Variants in SLC2A13 observed in about 807,000 individuals in gnomAD.
SLC2A13 encodes solute carrier family 2 member 13, also known as proton myo-inositol cotransporter.
A neutral mutation model predicts 64.4 loss-of-function variants in SLC2A13; 32 were observed. The observed-to-expected ratio is 0.50, with a 90% CI of 0.37 to 0.67. The LOEUF is 0.67. Ranked by LOEUF, SLC2A13 falls within the 30% of genes least tolerant of loss-of-function variation. The probability of loss-of-function intolerance (pLI) is 0.00; values close to 1 mark genes in which losing one functional copy is unlikely to be tolerated. For synonymous variants in SLC2A13, 338 were observed against 327.1 expected, an observed-to-expected ratio of 1.03 and a Z score of -0.36; for missense variants, 743 against 829.2, an observed-to-expected ratio of 0.90 and a Z score of 1.28.
At chr12:40,016,192 AC>A (rs909407319) in intron 3 of SLC2A13, among the ~76,000 whole-genome samples, 1 of 150,744 alleles carries the variant, frequency 6.6e-6, no homozygotes, top group South Asian at 2.1e-4. Flanking sequence ...ATACTACACC[AC>A]CCCCCCAAAA....
chr12:40,075,477 C>T (rs780370197), intron 1 of SLC2A13, among the ~76,000 whole-genome samples: 4 of 152,120 alleles, frequency 2.6e-5, no homozygotes, highest in Non-Finnish European at 5.9e-5. Context: ...TTCAATTTGT[C>T]CCATTTTTTA....
intron 3 of SLC2A13, among the ~76,000 whole-genome samples, chr12:39,996,016 T>A (rs573286262): frequency 1.3e-5 from 2 of 152,196 alleles, no homozygotes; most frequent in African/African-American, 4.8e-5. Context: ...ACAAATACAG[T>A]ACATTGGAGT....
rs117969263 is a variant in SLC2A13, at chr12:40,086,769, G to A, written c.556+18484C>T. ...CTGATAGGTAGTGCGATTATGTGTT[G>A]CCTCTAAACCAAGGGCAGATCAGGA... On this transcript the variant is annotated intron_variant, in intron 1 of 9. Transcript: ENST00000280871. Among the ~76,000 whole-genome samples the A allele has an allele frequency of 1.0e-3, 157 of 152,324 alleles. 1 individual carries two copies. In the East Asian group the frequency reaches 0.011, roughly 11 times the overall value.
chr12:40,070,241 T>A (rs558749480), intron 1 of SLC2A13, among the ~76,000 whole-genome samples: 1 of 151,646 alleles, frequency 6.6e-6, no homozygotes, highest in South Asian at 2.1e-4. Flanking sequence ...TGAAAAGTTC[T>A]GCTTGATTTG....
chr12:39,914,876 G>A lies in SLC2A13; in HGVS notation c.1034+36381C>T, dbSNP rs113477779. On this transcript the variant is annotated intron_variant, in intron 4 of 9. Transcript: ENST00000280871. Reference sequence around the variant, plus strand: ...AGGAAATGTACAAAAGTATCTTTACGACTTCAGTGAAAAGCAGAATTTATT... The same window carrying A: ...AGGAAATGTACAAAAGTATCTTTACAACTTCAGTGAAAAGCAGAATTTATT... 7.3e-4 allele frequency among the ~76,000 whole-genome samples: 111 copies of A among 151,936 alleles called. 2 individuals are homozygous for A. Among genetic ancestry groups the A allele is most frequent in the African/African-American group, 2.6e-3 (107 of 41,440 alleles).
Position 39,821,928 on chromosome 12 carries a change from T to C in SLC2A13, c.1445+8175A>G, listed in dbSNP as rs181379329. On this transcript the variant is annotated intron_variant, in intron 7 of 9. Transcript: ENST00000280871. ...ATGAAAAGAATATTATTAATTTTTT[T>C]ATTATTATACTTTAAGTTTTAGGGT... Among the ~76,000 whole-genome samples the C allele has an allele frequency of 3.2e-3, 491 of 152,288 alleles. 1 individual carries two copies. Among genetic ancestry groups the C allele is most frequent in the African/African-American group, 0.011 (469 of 41,570 alleles).
chr12:39,793,091 A>G (rs1361823562), intron 7 of SLC2A13, among the ~76,000 whole-genome samples: 1 of 152,208 alleles, frequency 6.6e-6, no homozygotes, highest in Non-Finnish European at 1.5e-5. Context: ...CACTACCATC[A>G]TATATGTAGA....
At chr12:39,951,479 A>T (rs1946228834) in intron 3 of SLC2A13, 114 bp from the exon 4 acceptor site, 1 of 671,190 alleles carries the variant, frequency 1.5e-6, no homozygotes, top group Admixed American at 3.6e-5. Flanking sequence ...ATGACTGGGC[A>T]TTTTAAATCA....
intron 1 of SLC2A13, among the ~76,000 whole-genome samples, chr12:40,071,206 T>A (rs1937943393): frequency 6.6e-6 from 1 of 152,164 alleles, no homozygotes; most frequent in Non-Finnish European, 1.5e-5. Context: ...ACTGTCTTGA[T>A]TACTGTCACT....
chr12:40,097,262 T>C (rs1216743335), intron 1 of SLC2A13, among the ~76,000 whole-genome samples: 1 of 152,138 alleles, frequency 6.6e-6, no homozygotes, highest in Non-Finnish European at 1.5e-5. Context: ...AATGACATAC[T>C]CCTAGAAGTA....
chr12:39,968,479 TTC>T (rs548850730), intron 3 of SLC2A13, among the ~76,000 whole-genome samples: 75 of 152,042 alleles, frequency 4.9e-4, no homozygotes, highest in African/African-American at 1.7e-3. Context: ...TTCTCGGTAT[TTC>T]TGTTTGTTTT....
chr12:40,033,744 G>T (rs1947937738), intron 2 of SLC2A13, among the ~76,000 whole-genome samples: 1 of 152,044 alleles, frequency 6.6e-6, no homozygotes, highest in African/African-American at 2.4e-5. Context: ...GAAAAATTTG[G>T]ATAACAAGAA....
At chr12:40,035,121 T>C (rs1565599159) in intron 2 of SLC2A13, among the ~76,000 whole-genome samples, 1 of 152,212 alleles carries the variant, frequency 6.6e-6, no homozygotes, top group Non-Finnish European at 1.5e-5. Context: ...TGTTCAATGT[T>C]CCAATGAATT....
intron 7 of SLC2A13, among the ~76,000 whole-genome samples, chr12:39,790,172 G>T (rs1290979307): frequency 5.5e-4 from 81 of 146,752 alleles, no homozygotes; most frequent in Admixed American, 5.5e-3. Flanking sequence ...ATTGAAGAAA[G>T]AATTTTTTAT....
intron 1 of SLC2A13, among the ~76,000 whole-genome samples, chr12:40,098,348 G>A (rs1214526231): frequency 1.3e-5 from 2 of 152,180 alleles, no homozygotes; most frequent in Non-Finnish European, 2.9e-5. Context: ...AAGAGAGGCT[G>A]GGGAATTTGT....
At chr12:39,976,687 CT>C (rs1041062845) in intron 3 of SLC2A13, among the ~76,000 whole-genome samples, 2 of 152,096 alleles carry the variant, frequency 1.3e-5, no homozygotes, top group African/African-American at 4.8e-5. Context: ...AGTGAAACTG[CT>C]GCCCCTGGCC....
At position 39,941,285 on chromosome 12, in the gene SLC2A13, C is replaced by A. The variant is rs139105664; in HGVS notation, c.1034+9972G>T. ...TGACTTATTTTCCTCTGGGTAGATA[C>A]CTAGTAGTGGGATTGCTGGATCAAA... is the stretch of plus-strand genomic sequence containing the variant. On this transcript the variant is annotated intron_variant, in intron 4 of 9. Coordinates refer to ENST00000280871, the MANE Select transcript of SLC2A13 (RefSeq NM_052885.4). 7.5e-3 allele frequency among the ~76,000 whole-genome samples: 1,146 copies of A among 152,206 alleles called. 15 individuals are homozygous for A. Among genetic ancestry groups the A allele is most frequent in the African/African-American group, 0.026 (1,089 of 41,528 alleles).
At chr12:39,902,657 G>A (rs1015100422) in intron 4 of SLC2A13, among the ~76,000 whole-genome samples, 3 of 151,970 alleles carry the variant, frequency 2.0e-5, no homozygotes, top group Admixed American at 6.6e-5. Flanking sequence ...AGTGGTAAAG[G>A]CTAACTTTTT....
At chr12:40,032,280 T>C (rs1453411845) in intron 2 of SLC2A13, among the ~76,000 whole-genome samples, 1 of 152,204 alleles carries the variant, frequency 6.6e-6, no homozygotes, top group Non-Finnish European at 1.5e-5. Flanking sequence ...CCATTTACCT[T>C]CTACGGACAA....
Sources: gnomAD v4.1 joint callset for allele counts (sites outside exome capture counted in the v4.1 genomes callset) on GRCh38, gnomAD v4.1.1 for gene constraint, MANE v1.5 for transcripts, NCBI Gene and HGNC (gene_info 2026-07-23, HGNC 2026-07-21) for gene names.